The following PXN variants were observed in gnomAD, a reference collection of about 807,000 sequenced individuals.
The protein encoded by PXN is testicular tissue protein Li 134.
A neutral mutation model predicts 103.6 loss-of-function variants in PXN; 61 were observed. That is an observed-to-expected ratio of 0.59 (90% CI 0.48 to 0.73). The LOEUF is 0.73. Ranked by LOEUF, PXN falls within the 30% of genes least tolerant of loss-of-function variation. PXN has a pLI of 0.00. For missense variants in PXN, 1,274 were observed against 1,460.3 expected, an observed-to-expected ratio of 0.87 and a Z score of 2.08; for synonymous variants, 562 against 607.8, an observed-to-expected ratio of 0.92 and a Z score of 1.11.
chr12:120,221,661 C>T lies in PXN; in HGVS notation c.793G>A (p.Glu265Lys). 1 of 1,563,940 alleles carries T rather than the reference C, an allele frequency of 6.4e-7. No individual in the cohort carries two copies. The highest frequency in any genetic ancestry group is 8.7e-7 in the Non-Finnish European group (1 of 1,154,376). Reference protein sequence around the residue: ...TRISASSATRELDELMASLSD... With the variant: ...TRISASSATRKLDELMASLSD... ...AGCGAAGCCATCAGCTCGTCCAGCT[C>T]CCTGGTGGCAGAGGAGGCCGAGATG... Residue 265 changes from glutamate (E) to lysine (K), a missense_variant, in exon 6 of 15, where the codon GAG becomes AAG. By Grantham distance (56) the Glu-to-Lys change is moderately conservative (BLOSUM62 1). Coordinates refer to ENST00000637617, the MANE Select transcript of PXN (RefSeq NM_001385981.1). This position sits in a 1 kb window ranked among gnomAD's most constrained non-coding sequence, Gnocchi z 6.6.
intron 1 of PXN, among the ~76,000 whole-genome samples, chr12:120,243,000 C>A (rs1486869228): frequency 2.0e-5 from 3 of 152,130 alleles, no homozygotes; most frequent in African/African-American, 7.2e-5. Flanking sequence ...GATGCAAAGC[C>A]TAATGACTGT....
chr12:120,219,813 A>T lies in PXN; in HGVS notation c.1110T>A (p.Gly370=). 6.3e-7 allele frequency: 1 copy of T among 1,598,362 alleles called. No homozygotes were observed. The highest frequency in any genetic ancestry group is 8.5e-7 in the Non-Finnish European group (1 of 1,179,772). ...TCTCTGTGCCCACTGCCCACAGAGA[A>T]CCCTCCACAGAGGGAGACCTTGAGT... ...TFNSRSPSVE[G]SLWAVGTESQ... Residue 370 remains glycine (G), a synonymous_variant, in exon 7 of 15, where the codon GGT becomes GGA. Transcript: ENST00000637617. The surrounding 1 kb of genome is among the most constrained non-coding windows in gnomAD (Gnocchi z 6.5).
Position 120,224,239 on chromosome 12 carries a change from G to C in PXN, c.152C>G (p.Pro51Arg), listed in dbSNP as rs767722707. 7 of 1,611,466 alleles carry C rather than the reference G, an allele frequency of 4.3e-6. No individual in the cohort carries two copies. The highest frequency in any genetic ancestry group is 5.9e-6 in the Non-Finnish European group (7 of 1,177,718). Reference protein sequence around the residue: ...QEIAVPPPVPPPPSSEALNGT... With the variant: ...QEIAVPPPVPRPPSSEALNGT... Reference sequence around the variant, plus strand: ...ATTGAGGGCCTCGCTGGACGGGGGTGGGGGGACGGGGGGTGGCACGGCAAT... The same window carrying C: ...ATTGAGGGCCTCGCTGGACGGGGGTCGGGGGACGGGGGGTGGCACGGCAAT... The change falls in exon 2 of 15, where the codon CCA becomes CGA. Residue 51 changes from proline to arginine, a missense_variant. Pro to Arg is a moderately radical substitution (Grantham distance 103, BLOSUM62 -2). Coordinates refer to ENST00000637617, the MANE Select transcript of PXN (RefSeq NM_001385981.1). This position sits in a 1 kb window ranked among gnomAD's most constrained non-coding sequence, Gnocchi z 5.0.
intron 1 of PXN, among the ~76,000 whole-genome samples, chr12:120,234,047 C>T (rs1888567131): frequency 6.6e-6 from 1 of 152,098 alleles, no homozygotes; most frequent in African/African-American, 2.4e-5. Flanking sequence ...TGTCTTAAAA[C>T]AAACAAGGCT....
Position 120,212,457 on chromosome 12 carries a change from G to A in PXN, c.3103C>T (p.Arg1035Cys), listed in dbSNP as rs777066049. 9 of 1,613,904 alleles carry A rather than the reference G, an allele frequency of 5.6e-6. No homozygotes were observed. The highest frequency in any genetic ancestry group is 1.6e-4 in the Middle Eastern group (1 of 6,084). Residue 1035 changes from arginine (R) to cysteine (C), a missense_variant, in exon 15 of 15, where the codon CGC (arginine) becomes TGC (cysteine). Coordinates refer to ENST00000637617, the MANE Select transcript of PXN (RefSeq NM_001385981.1). This position sits in a 1 kb window ranked among gnomAD's most constrained non-coding sequence, Gnocchi z 7.2. ...TTCTTGGCCATGGCGGTGATGCAGC[G>A]GCCGGTGATGGGCTTCTGGCAGCCA... ...CSGCQKPITG[R>C]CITAMAKKFH...
intron 1 of PXN, chr12:120,226,005 A>G (rs1401536952): frequency 9.5e-7 from 1 of 1,057,646 alleles, no homozygotes; most frequent in Non-Finnish European, 1.2e-6. Flanking sequence ...CAGGTCCTAC[A>G]GCCCGCCCCG....
rs1259345378 is a variant in PXN, at chr12:120,256,503, G to GCCAC, written c.13+9110_13+9113dup. ...GATGGGGACATCGGGGCCACATGGG[G>GCCAC]CCACAGCCATCTACACTGACAGAAG... On this transcript the variant is annotated intron_variant, in intron 1 of 14. Transcript: ENST00000637617. Among the ~76,000 whole-genome samples, 9 of 149,386 alleles carry GCCAC rather than the reference G, an allele frequency of 6.0e-5. No individual in the cohort carries two copies. The East Asian group carries it at 1.8e-3, about 30-fold the overall frequency.
chr12:120,224,941 G>T lies in PXN; in HGVS notation c.14-564C>A. The T allele has an allele frequency of 2.8e-6, 1 of 351,864 alleles. No individual in the cohort carries two copies. The highest frequency in any genetic ancestry group is 7.5e-5 in the East Asian group (1 of 13,360). The allele number at this position is 351,864 out of a possible 1,614,324, so 21.8% of individuals were successfully genotyped here. A position where few individuals can be genotyped will look rare whatever the true frequency, so the allele number is the denominator to read the frequency against. ...TGAGGCTCTAGGCTTATGGGGTAAG[G>T]TGTGCGGGGAGGTGGGGGCTGGAGT... On this transcript the variant is annotated intron_variant, in intron 1 of 14. Coordinates refer to ENST00000637617, the MANE Select transcript of PXN (RefSeq NM_001385981.1). The surrounding 1 kb of genome is among the most constrained non-coding windows in gnomAD (Gnocchi z 5.0).
chr12:120,224,432 C>A lies in PXN; in HGVS notation c.14-55G>T, dbSNP rs11065054. On this transcript the variant is annotated intron_variant, in intron 1 of 14. Transcript: ENST00000637617. This position sits in a 1 kb window ranked among gnomAD's most constrained non-coding sequence, Gnocchi z 5.0. ...AGAACCGGGATCCTGGGGACTCTCC[C>A]GTGGCAGGGCCCTCCCTGCCTGCAC... The A allele has an allele frequency of 7.6e-7, 1 of 1,317,402 alleles. No homozygotes were observed. Among genetic ancestry groups the A allele is most frequent in the Non-Finnish European group, 1.1e-6 (1 of 911,732 alleles). The allele number at this position is 1,317,402 out of a possible 1,614,324, so 81.6% of individuals were successfully genotyped here.
rs762456329 is a variant in PXN at position 120,212,003 on chromosome 12, G to A, written c.*311C>T. On this transcript the variant is annotated 3_prime_UTR_variant, in exon 15 of 15. Transcript: ENST00000637617. The surrounding 1 kb of genome is among the most constrained non-coding windows in gnomAD (Gnocchi z 7.2). ...TGAGGAAGAGATGGCTCCAGTGTGG[G>A]GTGCTGGCCAGGCCAGTTCGTGGGG... 1.6e-6 allele frequency: 1 copy of A among 628,242 alleles called. No individual in the cohort carries two copies. 38.9% of individuals were successfully genotyped at this position (628,242 alleles called of 1,614,324 possible). A position where few individuals can be genotyped will look rare whatever the true frequency, so the allele number is the denominator to read the frequency against.
At chr12:120,233,026 CCT>C (rs2136429470) in intron 1 of PXN, among the ~76,000 whole-genome samples, 1 of 152,258 alleles carries the variant, frequency 6.6e-6, no homozygotes, top group South Asian at 2.1e-4. Context: ...GGGGCCTCTC[CCT>C]GTCATCACTT....
chr12:120,235,893 C>T (rs951808049), intron 1 of PXN, among the ~76,000 whole-genome samples: 5 of 152,198 alleles, frequency 3.3e-5, no homozygotes. Flanking sequence ...CCCCGGGAAC[C>T]AACCTCTGAC....
intron 1 of PXN, among the ~76,000 whole-genome samples, chr12:120,256,254 T>TA (rs1277007191): frequency 1.3e-5 from 2 of 151,094 alleles, no homozygotes; most frequent in Non-Finnish European, 3.0e-5. Flanking sequence ...GTATAAAAAA[T>TA]AAAAAATTGG....
chr12:120,245,629 A>G (rs1028697332), intron 1 of PXN, among the ~76,000 whole-genome samples: 3 of 151,866 alleles, frequency 2.0e-5, no homozygotes, highest in Non-Finnish European at 4.4e-5. Context: ...CTACTAAAAA[A>G]TACAAAAAAT....
chr12:120,264,752 TG>T (rs1894417181), intron 1 of PXN, among the ~76,000 whole-genome samples: 1 of 152,184 alleles, frequency 6.6e-6, no homozygotes, highest in Admixed American at 6.5e-5. Context: ...GGTCATACCT[TG>T]GGGCCCACCT....
At chr12:120,244,876 A>G (rs1306185679) in intron 1 of PXN, among the ~76,000 whole-genome samples, 5 of 151,980 alleles carry the variant, frequency 3.3e-5, no homozygotes, top group Non-Finnish European at 4.4e-5. Context: ...ATAAAAAAAA[A>G]TCAAAGGAAT....
At position 120,219,683 on chromosome 12, in the gene PXN, G is replaced by A. The variant is rs778199821; in HGVS notation, c.1240C>T (p.Pro414Ser). 1.2e-5 allele frequency: 19 copies of A among 1,589,676 alleles called. No individual in the cohort carries two copies. The highest frequency in any genetic ancestry group is 1.6e-5 in the Non-Finnish European group (19 of 1,176,152). ...GCTGGTGGCCCCTGGGGCTCCCCAGGCTCTTGGAGAGCTGTGCTCCCAGCA... is the reference window on the plus strand; with the variant it reads ...GCTGGTGGCCCCTGGGGCTCCCCAGACTCTTGGAGAGCTGTGCTCCCAGCA... ...PCAGSTALQE[P>S]GEPQGPPASP... The change falls in exon 7 of 15, where the codon CCT becomes TCT. Residue 414 changes from proline (P) to serine (S), a missense_variant. By Grantham distance (74) the Pro-to-Ser change is moderately conservative. Transcript: ENST00000637617. This position sits in a 1 kb window ranked among gnomAD's most constrained non-coding sequence, Gnocchi z 6.5.
chr12:120,221,683 G>C lies in PXN; in HGVS notation c.771C>G (p.Ile257Met), dbSNP rs1228720375. Residue 257 changes from isoleucine (I) to methionine (M), a missense_variant, in exon 6 of 15, where the codon ATC becomes ATG. By Grantham distance (10) the Ile-to-Met change is conservative. Around this residue, in one of 2 missense-constraint regions of PXN, gnomAD observed 1,178 missense variants for 1,309.0 expected, o/e 0.90. Transcript: ENST00000637617. This position sits in a 1 kb window ranked among gnomAD's most constrained non-coding sequence, Gnocchi z 6.6. ...GCTCCCTGGTGGCAGAGGAGGCCGA[G>C]ATGCGTGTCTGCTGTTGGGTGGAGG... ...RVTSTQQQTRISASSATRELD... is the reference protein window; with the variant it reads ...RVTSTQQQTRMSASSATRELD... 1 of 1,566,914 alleles carries C rather than the reference G, an allele frequency of 6.4e-7. No individual in the cohort carries two copies. The highest frequency in any genetic ancestry group is 8.6e-7 in the Non-Finnish European group (1 of 1,156,094).
intron 1 of PXN, chr12:120,250,079 C>G: frequency 7.1e-6 from 7 of 985,660 alleles, no homozygotes; most frequent in Non-Finnish European, 8.4e-6. Flanking sequence ...CCAGAGGAGC[C>G]CATCCCACTC....
Sources: allele counts gnomAD v4.1 joint callset (sites outside exome capture counted in the v4.1 genomes callset), GRCh38; gene constraint gnomAD v4.1.1; regional missense constraint gnomAD v4.1.1; non-coding constraint Gnocchi (gnomAD v3.1); transcripts MANE v1.5; gene names NCBI Gene and HGNC (gene_info 2026-07-23, HGNC 2026-07-21).